Variants in CSMD1 observed in about 807,000 individuals in gnomAD.
CSMD1 encodes the protein CUB and sushi domain-containing protein 1.
Under a neutral mutation model 417.5 loss-of-function variants are expected in CSMD1, and 213 were observed. The observed-to-expected ratio is 0.51, with a 90% CI of 0.46 to 0.57. CSMD1 has a LOEUF of 0.57. CSMD1 is among the 20% of genes least tolerant of loss of function. CSMD1 has a pLI of 0.00. For missense variants in CSMD1, 6,923 were observed against 4,529.7 expected (o/e 1.53, Z -15.17); for synonymous variants, 2,862 against 1,736.8 (o/e 1.65, Z -16.11).
At chr8:4,085,803 C>G (rs1280606948) in intron 3 of CSMD1, among the ~76,000 whole-genome samples, 1 of 152,124 alleles carries the variant, frequency 6.6e-6, no homozygotes, top group East Asian at 1.9e-4. Context: ...CATAAAGACA[C>G]CATGAAGCTT....
At chr8:3,397,862 G>A (rs1233238938) in intron 16 of CSMD1, among the ~76,000 whole-genome samples, 5 of 152,154 alleles carry the variant, frequency 3.3e-5, no homozygotes, top group Non-Finnish European at 7.4e-5. Context: ...TCAGCACAGA[G>A]CTCAGAATTT....
Position 4,675,890 on chromosome 8 carries a change from A to G in CSMD1, c.86-38332T>C, listed in dbSNP as rs961457533. On this transcript the variant is annotated intron_variant, in intron 1 of 69. Transcript: ENST00000635120. ...TGTTTCCTAAACAAAAAGTATCTAAACTATCATACTAGTAGAAAAAGAGAA... is the reference window on the plus strand; with the variant it reads ...TGTTTCCTAAACAAAAAGTATCTAAGCTATCATACTAGTAGAAAAAGAGAA... 2.6e-5 allele frequency among the ~76,000 whole-genome samples: 4 copies of G among 152,170 alleles called. No individual in the cohort carries two copies. In the East Asian group the frequency reaches 7.7e-4, roughly 29 times the overall value.
chr8:4,182,108 TA>T (rs1798414397), intron 3 of CSMD1, among the ~76,000 whole-genome samples: 1 of 151,948 alleles, frequency 6.6e-6, no homozygotes, highest in African/African-American at 2.4e-5. Context: ...ATTTCAATGC[TA>T]AAACTTAAAC....
At chr8:4,078,887 A>C (rs1162903016) in intron 3 of CSMD1, among the ~76,000 whole-genome samples, 6 of 124,386 alleles carry the variant, frequency 4.8e-5, no homozygotes, top group Non-Finnish European at 8.1e-5. Flanking sequence ...ATTAATAATA[A>C]TAATAATAAA....
At chr8:4,072,586 G>C (rs994587324) in intron 3 of CSMD1, among the ~76,000 whole-genome samples, 5 of 152,140 alleles carry the variant, frequency 3.3e-5, no homozygotes, top group Non-Finnish European at 7.3e-5. Context: ...ATGAGGTTCT[G>C]TGGTTGTATG....
At chr8:4,410,081 T>C (rs1052520493) in intron 3 of CSMD1, among the ~76,000 whole-genome samples, 5 of 152,190 alleles carry the variant, frequency 3.3e-5, no homozygotes, top group Non-Finnish European at 5.9e-5. Flanking sequence ...CCCAAAGTGC[T>C]GGGATTACAG....
chr8:3,772,167 C>CATATATAT (rs375018980), intron 5 of CSMD1, among the ~76,000 whole-genome samples: 4,406 of 44,788 alleles, frequency 0.098, 531 homozygotes, highest in Admixed American at 0.15. Flanking sequence ...GAAAGGGCAA[C>CATATATAT]ATATATATAT....
chr8:2,996,672 CT>C (rs1437653777), intron 54 of CSMD1, among the ~76,000 whole-genome samples: 1 of 152,242 alleles, frequency 6.6e-6, no homozygotes. Context: ...AAGAGTTCAA[CT>C]GCCAAAAAGA....
chr8:3,617,763 G>A (rs1461773835), intron 7 of CSMD1, among the ~76,000 whole-genome samples: 3 of 152,134 alleles, frequency 2.0e-5, no homozygotes, highest in Non-Finnish European at 4.4e-5. Flanking sequence ...CAATTTAGGA[G>A]CAATGTCGCA....
chr8:4,248,694 A>T (rs7819536), intron 3 of CSMD1, among the ~76,000 whole-genome samples: 29 of 152,262 alleles, frequency 1.9e-4, no homozygotes, highest in African/African-American at 7.0e-4. Context: ...AGACATTACC[A>T]ACACTTGTAT....
intron 5 of CSMD1, among the ~76,000 whole-genome samples, chr8:3,810,431 G>C (rs1312031461): frequency 1.3e-5 from 2 of 152,136 alleles, no homozygotes; most frequent in African/African-American, 4.8e-5. Context: ...TGTTAAGAAG[G>C]GATCGAAGGG....
intron 3 of CSMD1, among the ~76,000 whole-genome samples, chr8:4,217,657 A>AG (rs368501981): frequency 3.6e-3 from 361 of 99,826 alleles, no homozygotes; most frequent in African/African-American, 0.01. Context: ...TGACCTCATC[A>AG]GAAAAAAAAA....
intron 3 of CSMD1, among the ~76,000 whole-genome samples, chr8:4,105,749 C>T (rs1054946801): frequency 2.0e-5 from 3 of 152,206 alleles, no homozygotes; most frequent in Non-Finnish European, 4.4e-5. Context: ...TCGTAGTAAA[C>T]ATAAGCTTAT....
intron 2 of CSMD1, among the ~76,000 whole-genome samples, chr8:4,574,433 C>T (rs1006103388): frequency 6.6e-6 from 1 of 152,178 alleles, no homozygotes; most frequent in Non-Finnish European, 1.5e-5. Context: ...CCTTCTTCTG[C>T]TTACCCTCCG....
intron 1 of CSMD1, among the ~76,000 whole-genome samples, chr8:4,805,113 A>T (rs987105559): frequency 3.3e-5 from 5 of 152,206 alleles, no homozygotes; most frequent in African/African-American, 1.2e-4. Context: ...CTGGCATATA[A>T]AATGAGGTAT....
At chr8:4,037,946 T>A (rs567261738) in intron 3 of CSMD1, among the ~76,000 whole-genome samples, 2 of 152,188 alleles carry the variant, frequency 1.3e-5, no homozygotes, top group African/African-American at 4.8e-5. Flanking sequence ...AAAATTCAGT[T>A]GGACAAAATG....
intron 6 of CSMD1, among the ~76,000 whole-genome samples, chr8:3,741,609 G>T (rs1284220579): frequency 6.6e-6 from 1 of 152,178 alleles, no homozygotes. Context: ...GAATTATTCA[G>T]TGCAAATAGT....
chr8:3,018,392 C>T (rs768304628), intron 52 of CSMD1, 85 bp downstream of exon 52: 19 of 1,275,468 alleles, frequency 1.5e-5, no homozygotes, highest in South Asian at 3.1e-5. Flanking sequence ...GGCATTATAG[C>T]AAGAAGTCAT....
intron 7 of CSMD1, among the ~76,000 whole-genome samples, chr8:3,688,378 A>C (rs1306722382): frequency 6.6e-6 from 1 of 152,166 alleles, no homozygotes; most frequent in African/African-American, 2.4e-5. Flanking sequence ...ATAAAGGAGG[A>C]ATTGAGAAAT....
Sources: allele counts gnomAD v4.1 joint callset (sites outside exome capture counted in the v4.1 genomes callset), GRCh38; gene constraint gnomAD v4.1.1; transcripts MANE v1.5; gene names NCBI Gene and HGNC (gene_info 2026-07-23, HGNC 2026-07-21).